The following ATP6V0A4 variants were observed in gnomAD, a reference collection of about 807,000 sequenced individuals.
ATP6V0A4 encodes the protein V-type proton ATPase 116 kDa subunit a 4.
ATP6V0A4 carries 86 observed loss-of-function variants against 107.3 expected under a neutral mutation model. That is an observed-to-expected ratio of 0.80 (90% CI 0.67 to 0.96). The LOEUF (loss-of-function observed/expected upper bound fraction) is 0.96, where lower values mean the gene tolerates loss of function less well. Among genes scored for constraint, ATP6V0A4 ranks in the 40% least tolerant of loss-of-function variants. The pLI, the probability that ATP6V0A4 is intolerant of heterozygous loss-of-function variation, is 0.00. For missense variants in ATP6V0A4, 908 were observed against 1,045.6 expected, an observed-to-expected ratio of 0.87 and a Z score of 1.81; for synonymous variants, 353 against 381.4, an observed-to-expected ratio of 0.93 and a Z score of 0.87.
chr7:138,753,976 T>A (rs1806374837), intron 10 of ATP6V0A4, among the ~76,000 whole-genome samples: 1 of 152,094 alleles, frequency 6.6e-6, no homozygotes, highest in Non-Finnish European at 1.5e-5. Flanking sequence ...TCTGAAGCCC[T>A]CGACACAGCA....
intron 1 of ATP6V0A4, among the ~76,000 whole-genome samples, chr7:138,791,941 T>C (rs1808429536): frequency 6.6e-6 from 1 of 152,022 alleles, no homozygotes; most frequent in African/African-American, 2.4e-5. Context: ...ACTTGGAAAA[T>C]AATAATAATA....
chr7:138,722,966 G>A (rs1804505800), intron 18 of ATP6V0A4, among the ~76,000 whole-genome samples: 1 of 150,170 alleles, frequency 6.7e-6, no homozygotes, highest in Non-Finnish European at 1.5e-5. Context: ...GCTGAGGAAG[G>A]AGAATTGCTT....
Position 138,739,759 on chromosome 7 carries a change from G to A in ATP6V0A4, c.1479-126C>T, listed in dbSNP as rs79657869. On this transcript the variant is annotated intron_variant, in intron 14 of 21. Transcript: ENST00000310018. ...CTGGTGCAATTCATCACTTTGGTTGGTTCAATATCTACTACACATCAAGTA... is the reference window on the plus strand; with the variant it reads ...CTGGTGCAATTCATCACTTTGGTTGATTCAATATCTACTACACATCAAGTA... 15,272 of 1,489,288 alleles carry A rather than the reference G, an allele frequency of 0.01. 1,115 individuals carry two copies. The African/African-American group carries it at 0.17, about 17-fold the overall frequency. 92.3% of individuals were successfully genotyped at this position (1,489,288 alleles called of 1,614,324 possible).
chr7:138,754,447 TCAAA>T (rs1806405785), intron 10 of ATP6V0A4, among the ~76,000 whole-genome samples: 1 of 91,384 alleles, frequency 1.1e-5, no homozygotes. Context: ...AAACTCCATC[TCAAA>T]AAAAAAAAAA....
At chr7:138,710,642 A>G (rs1365847479) in intron 20 of ATP6V0A4, among the ~76,000 whole-genome samples, 1 of 152,234 alleles carries the variant, frequency 6.6e-6, no homozygotes, top group African/African-American at 2.4e-5. Flanking sequence ...ACATTTCAAA[A>G]AACGTTTAGC....
chr7:138,707,809 A>T (rs1411147169), intron 21 of ATP6V0A4, among the ~76,000 whole-genome samples: 1 of 150,246 alleles, frequency 6.7e-6, no homozygotes, highest in Non-Finnish European at 1.5e-5. Flanking sequence ...GCTCATGGTC[A>T]CAGCATAACA....
At chr7:138,737,579 C>CTTT (rs373540257) in intron 15 of ATP6V0A4, among the ~76,000 whole-genome samples, 12 of 134,662 alleles carry the variant, frequency 8.9e-5, no homozygotes, top group Admixed American at 1.5e-4. Flanking sequence ...TTTTCTTTTT[C>CTTT]TTTTTTTTTT....
At chr7:138,708,545 G>A (rs1177581318) in intron 21 of ATP6V0A4, among the ~76,000 whole-genome samples, 3 of 152,116 alleles carry the variant, frequency 2.0e-5, no homozygotes, top group Admixed American at 2.0e-4. Context: ...CAGCTGAAGG[G>A]CATGCACTGC....
intron 20 of ATP6V0A4, among the ~76,000 whole-genome samples, chr7:138,711,965 C>G (rs1803767631): frequency 6.6e-6 from 1 of 152,216 alleles, no homozygotes; most frequent in Non-Finnish European, 1.5e-5. Flanking sequence ...CAGAGTCTCG[C>G]TCTGTCACCC....
intron 5 of ATP6V0A4, among the ~76,000 whole-genome samples, chr7:138,764,227 G>A (rs769331492): frequency 1.9e-4 from 29 of 151,924 alleles, no homozygotes; most frequent in Non-Finnish European, 2.9e-4. Context: ...GGGAAGAGGG[G>A]AAAGGAGATG....
At chr7:138,716,875 T>C (rs983637739) in intron 19 of ATP6V0A4, among the ~76,000 whole-genome samples, 10 of 152,096 alleles carry the variant, frequency 6.6e-5, no homozygotes, top group Admixed American at 2.6e-4. Flanking sequence ...TGGGGGACAA[T>C]TGACTGGTGC....
chr7:138,738,686 G>A (rs779557152), intron 15 of ATP6V0A4, among the ~76,000 whole-genome samples: 8 of 152,094 alleles, frequency 5.3e-5, no homozygotes, highest in Non-Finnish European at 8.8e-5. Context: ...GCAGGGAGGC[G>A]GGCGATAGCG....
At chr7:138,792,111 A>G (rs1284320659) in intron 1 of ATP6V0A4, among the ~76,000 whole-genome samples, 2 of 152,120 alleles carry the variant, frequency 1.3e-5, no homozygotes, top group African/African-American at 4.8e-5. Flanking sequence ...GATCGAGACC[A>G]TCCTGGCTAA....
rs767745371 is a variant in ATP6V0A4 at position 138,756,577 on chromosome 7, GT to G, written c.640-38del. The G allele has an allele frequency of 2.1e-5, 33 of 1,596,982 alleles. No homozygotes were observed. The African/African-American group carries it at 3.9e-4, about 19-fold the overall frequency. On this transcript the variant is annotated intron_variant, in intron 8 of 21. Transcript: ENST00000310018. Reference sequence around the variant, plus strand: ...GAATAAGTTAAAAAAAAAGGGGGGGGTTTCTTTCTGGTTAAAACATAATAGA... The same window carrying G: ...GAATAAGTTAAAAAAAAAGGGGGGGGTTCTTTCTGGTTAAAACATAATAGA...
chr7:138,708,017 T>TTTTATTTATTTATTTATTTA (rs377141085), intron 21 of ATP6V0A4, among the ~76,000 whole-genome samples: 1 of 139,954 alleles, frequency 7.1e-6, no homozygotes, highest in Non-Finnish European at 1.5e-5. Context: ...TTATGTTTTA[T>TTTTATTTATTTATTTATTTA]TTTATTTATT....
At chr7:138,732,328 C>T (rs1805061611) in intron 17 of ATP6V0A4, among the ~76,000 whole-genome samples, 3 of 152,030 alleles carry the variant, frequency 2.0e-5, no homozygotes, top group Admixed American at 6.6e-5. Context: ...AATCCCTCTG[C>T]AATTATCCCT....
At position 138,747,411 on chromosome 7, in the gene ATP6V0A4, C is replaced by T; in HGVS notation, c.1320+14G>A. On this transcript the variant is annotated intron_variant, in intron 13 of 21. Coordinates refer to ENST00000310018, the MANE Select transcript of ATP6V0A4 (RefSeq NM_020632.3). The stretch of plus-strand genomic sequence containing the variant: ...TGAAAATGAATCAGGGCAAGACGGT[C>T]AATGGACACTCACCTCATTGTCTGT... The T allele has an allele frequency of 1.2e-6, 2 of 1,613,650 alleles. No individual in the cohort carries two copies. Among genetic ancestry groups the T allele is most frequent in the Non-Finnish European group, 1.7e-6 (2 of 1,179,606 alleles).
intron 2 of ATP6V0A4, among the ~76,000 whole-genome samples, chr7:138,772,643 G>A (rs1807451670): frequency 6.6e-6 from 1 of 152,180 alleles, no homozygotes; most frequent in South Asian, 2.1e-4. Flanking sequence ...TGTAACAGAT[G>A]CATGTCCAAA....
intron 10 of ATP6V0A4, among the ~76,000 whole-genome samples, chr7:138,755,478 G>T (rs1400120029): frequency 6.6e-6 from 1 of 152,172 alleles, no homozygotes; most frequent in African/African-American, 2.4e-5. Context: ...CTGACCCTGG[G>T]CAAAGCATTC....
Sources: gnomAD v4.1 joint callset for allele counts (sites outside exome capture counted in the v4.1 genomes callset) on GRCh38, gnomAD v4.1.1 for gene constraint, MANE v1.5 for transcripts, NCBI Gene and HGNC (gene_info 2026-07-23, HGNC 2026-07-21) for gene names.